Variants in PPT1 observed in about 807,000 individuals in gnomAD.
PPT1 encodes ceroid-palmitoyl-palmitoyl-protein thioesterase 1.
In PPT1, 24 loss-of-function variants were observed where a neutral mutation model predicts 44.0. That is an observed-to-expected ratio of 0.54 (90% CI 0.39 to 0.77). The LOEUF is 0.77. Among genes scored for constraint, PPT1 ranks in the 30% least tolerant of loss-of-function variants. The pLI is 0.00. For missense variants in PPT1, 341 were observed against 378.8 expected, an observed-to-expected ratio of 0.90 and a Z score of 0.83; for synonymous variants, 148 against 140.2, an observed-to-expected ratio of 1.06 and a Z score of -0.39.
downstream of PPT1, chr1:40,072,268 A>AAAAC (rs1557702607): frequency 1.8e-4 from 60 of 333,944 alleles, no homozygotes; most frequent in East Asian, 5.6e-4. Context: ...AAAAAAAAAA[A>AAAAC]AAACCCACAT....
At chr1:40,093,945 C>T (rs544488080) in intron 1 of PPT1, 118 of 714,100 alleles carry the variant, frequency 1.7e-4, no homozygotes, top group East Asian at 7.0e-4. Context: ...ATCATCCCAG[C>T]GCTTTGGTAA....
rs143657539 is a variant in PPT1, at chr1:40,092,054, C to T, written c.353G>A (p.Gly118Asp). ...ACAAAAAGGAACGTACAGAAATTGG[C>T]CTCCCTGGGAGAATCCCATAGCATT... is the stretch of plus-strand genomic sequence containing the variant. Reference protein sequence around the residue: ...GYNAMGFSQGGQFLRAVAQRC... With the variant: ...GYNAMGFSQGDQFLRAVAQRC... Residue 118 changes from glycine (G) to aspartate (D), a missense_variant, in exon 3 of 9, where the codon GGC becomes GAC. Transcript: ENST00000642050. 3 of 1,613,898 alleles carry T rather than the reference C, an allele frequency of 1.9e-6. No individual in the cohort carries two copies. Among genetic ancestry groups the T allele is most frequent in the African/African-American group, 1.3e-5 (1 of 74,914 alleles).
At chr1:40,074,868 A>G (rs886522109) in intron 8 of PPT1, among the ~76,000 whole-genome samples, 1 of 152,182 alleles carries the variant, frequency 6.6e-6, no homozygotes, top group Non-Finnish European at 1.5e-5. Context: ...AGGACTACCT[A>G]TAGGTGGGCA....
intron 4 of PPT1, among the ~76,000 whole-genome samples, chr1:40,090,818 A>G (rs569733822): frequency 5.1e-5 from 7 of 136,068 alleles, no homozygotes; most frequent in East Asian, 2.3e-4. Flanking sequence ...CTGCTCCCAC[A>G]TTATACCAGC....
At chr1:40,087,368 G>A (rs1003901971) in intron 5 of PPT1, among the ~76,000 whole-genome samples, 2 of 151,840 alleles carry the variant, frequency 1.3e-5, no homozygotes, top group African/African-American at 2.4e-5. Context: ...TCAGCCTCCG[G>A]AGTGGCTGAG....
intron 8 of PPT1, chr1:40,076,624 G>T (rs1055298582): frequency 3.6e-6 from 5 of 1,381,222 alleles, no homozygotes; most frequent in Middle Eastern, 2.8e-4. Flanking sequence ...AAGGTTTCAG[G>T]ATGTAGTGGA....
chr1:40,091,439 G>A lies in PPT1; in HGVS notation c.363-40C>T, dbSNP rs760163086. 5.9e-6 allele frequency: 9 copies of A among 1,524,826 alleles called. No individual in the cohort carries two copies. The South Asian group carries it at 9.1e-5, about 15-fold the overall frequency. 94.5% of individuals were successfully genotyped at this position (1,524,826 alleles called of 1,614,324 possible). A position where few individuals can be genotyped will look rare whatever the true frequency, so the allele number is the denominator to read the frequency against. On this transcript the variant is annotated intron_variant, in intron 3 of 8. Transcript: ENST00000642050. ...GGAGTTTTAGCTCCGACTGTCAGAT[G>A]GAAATGTATCATCCACAATCAGCAT...
At chr1:40,081,405 A>G (rs550524016) in intron 5 of PPT1, among the ~76,000 whole-genome samples, 2 of 152,074 alleles carry the variant, frequency 1.3e-5, no homozygotes, top group African/African-American at 4.8e-5. Flanking sequence ...GCACGGTGGC[A>G]TGTGCCTGTA....
intron 8 of PPT1, chr1:40,076,534 G>T: frequency 1.1e-6 from 1 of 907,306 alleles, no homozygotes; most frequent in African/African-American, 1.8e-5. Flanking sequence ...CTGTACCTCA[G>T]CCAAGGCAGC....
intron 7 of PPT1, 111 bp downstream of exon 7, chr1:40,078,449 G>A (rs889879516): frequency 1.2e-5 from 13 of 1,069,954 alleles, no homozygotes; most frequent in African/African-American, 9.4e-5. Context: ...TGATCCACCC[G>A]CCTTGGCCTC....
In PPT1 at chr1:40,089,477, A is replaced by G. The variant is rs780804112; in HGVS notation, c.469T>C (p.Ser157Pro). 2 of 1,614,052 alleles carry G rather than the reference A, an allele frequency of 1.2e-6. No individual in the cohort carries two copies. Among genetic ancestry groups the G allele is most frequent in the Non-Finnish European group, 1.7e-6 (2 of 1,179,988 alleles). ...FGLPRCPGES[S>P]HICDFIRKTL... is the part of the protein sequence containing the mutation. ...TTTCGGATGAAGTCACAGATGTGAG[A>G]GCTCTCTCCTGGGCATCGAGGGAGT... Residue 157 changes from serine to proline, a missense_variant, in exon 5 of 9, where the codon TCT (serine) becomes CCT (proline). Transcript: ENST00000642050.
intron 5 of PPT1, among the ~76,000 whole-genome samples, chr1:40,083,996 T>C (rs1256657513): frequency 6.6e-6 from 1 of 152,138 alleles, no homozygotes; most frequent in Non-Finnish European, 1.5e-5. Flanking sequence ...TATGTTGCAG[T>C]AAGCTGTAAT....
intron 3 of PPT1, among the ~76,000 whole-genome samples, 178 bp downstream of exon 3, chr1:40,091,865 CAA>C (rs11308805): frequency 5.6e-4 from 54 of 96,884 alleles, no homozygotes; most frequent in Middle Eastern, 7.0e-3. Flanking sequence ...AATTCTGTCT[CAA>C]AAAAAAAAAA....
chr1:40,083,018 G>A (rs3131656), intron 5 of PPT1, among the ~76,000 whole-genome samples: 84,875 of 152,042 alleles, frequency 0.56, 25,636 homozygotes, highest in Non-Finnish European at 0.68. Flanking sequence ...TAAGAACTAC[G>A]CTAAATTACT....
chr1:40,076,222 T>C (rs920412560), intron 8 of PPT1, among the ~76,000 whole-genome samples: 1 of 152,008 alleles, frequency 6.6e-6, no homozygotes, highest in Non-Finnish European at 1.5e-5. Flanking sequence ...CCCAGCACTT[T>C]GGGAGGCTGA....
At chr1:40,091,945 G>GATAGGT in intron 3 of PPT1, 100 bp downstream of exon 3, 1 of 1,451,042 alleles carries the variant, frequency 6.9e-7, no homozygotes, top group Non-Finnish European at 9.6e-7. Context: ...TCCCTTCCAA[G>GATAGGT]ATAGGTGACA....
intron 5 of PPT1, among the ~76,000 whole-genome samples, chr1:40,083,222 AG>A (rs1164869794): frequency 4.2e-4 from 64 of 152,324 alleles, no homozygotes; most frequent in African/African-American, 1.5e-3. Context: ...CCAAGGTAGG[AG>A]GACCATTTGA....
At position 40,078,563 on chromosome 1, in the gene PPT1, C is replaced by T. The variant is rs778863462; in HGVS notation, c.723G>A (p.Ser241=). 12 of 1,613,192 alleles carry T rather than the reference C, an allele frequency of 7.4e-6. No homozygotes were observed. The highest frequency in any genetic ancestry group is 8.5e-6 in the Non-Finnish European group (10 of 1,179,390). Reference sequence around the variant, plus strand: ...TGTGGCCTAAGTAGTGTCTCACCTCCGAATCTACAGGGTCCACAATGGAAT... The same window carrying T: ...TGTGGCCTAAGTAGTGTCTCACCTCTGAATCTACAGGGTCCACAATGGAAT... The part of the protein sequence containing the change: ...LNDSIVDPVD[S]EWFGFYRSGQ... The change falls in exon 7 of 9, where the codon TCG becomes TCA. Residue 241 remains serine, a synonymous_variant. Coordinates refer to ENST00000642050, the MANE Select transcript of PPT1 (RefSeq NM_000310.4).
At chr1:40,078,846 A>T in intron 6 of PPT1, 188 bp from the exon 7 acceptor site, 1 of 616,706 alleles carries the variant, frequency 1.6e-6, no homozygotes. Context: ...TTTCTAAAAA[A>T]CAAAATATTT....
Sources: gnomAD v4.1 joint callset for allele counts (sites outside exome capture counted in the v4.1 genomes callset) on GRCh38, gnomAD v4.1.1 for gene constraint, MANE v1.5 for transcripts, NCBI Gene and HGNC (gene_info 2026-07-23, HGNC 2026-07-21) for gene names.